The following BLTP1 variants were observed in gnomAD, a reference collection of about 807,000 sequenced individuals.
BLTP1 encodes bridge-like lipid transfer protein family member 1.
At chr4:122,262,963 G>C in the BLTP1 span, 11 of 1,613,664 alleles carry the variant, frequency 6.8e-6, no homozygotes, top group Non-Finnish European at 8.5e-6. Context: ...GCTGTGAAAA[G>C]TAGCTCCCTA....
chr4:122,227,207 C>T, the BLTP1 span: 4 of 996,836 alleles, frequency 4.0e-6, no homozygotes, highest in Non-Finnish European at 4.8e-6. Flanking sequence ...GGTTTGCAGA[C>T]CACTCTGGAC....
the BLTP1 span, chr4:122,256,151 T>C: frequency 3.0e-6 from 3 of 985,138 alleles, no homozygotes; most frequent in Non-Finnish European, 3.6e-6. Context: ...CAAGAATCTT[T>C]AGTCAAATTA....
At chr4:122,343,762 G>T in the BLTP1 span, 5 of 883,916 alleles carry the variant, frequency 5.7e-6, no homozygotes, top group Non-Finnish European at 8.4e-6. Flanking sequence ...TACGTAATAA[G>T]TAGACATATA....
the BLTP1 span, chr4:122,308,060 C>T: frequency 6.2e-7 from 1 of 1,613,484 alleles, no homozygotes. Context: ...GATATGCTAC[C>T]TGGTATCCAG....
At chr4:122,156,339 G>A in the BLTP1 span, among the ~76,000 whole-genome samples, 2 of 152,198 alleles carry the variant, frequency 1.3e-5, no homozygotes, top group African/African-American at 4.8e-5. Flanking sequence ...GAGAACAACA[G>A]CATTTAAGGG....
chr4:122,267,714 A>G, the BLTP1 span: 58 of 550,944 alleles, frequency 1.1e-4, no homozygotes, highest in African/African-American at 1.1e-3. Context: ...TTTTGCTGTT[A>G]TTTTATATTG....
At chr4:122,202,297 A>G in the BLTP1 span, among the ~76,000 whole-genome samples, 1 of 152,098 alleles carries the variant, frequency 6.6e-6, no homozygotes, top group Non-Finnish European at 1.5e-5. Context: ...CAAATTTATG[A>G]AAAAAATTAT....
chr4:122,186,981 G>A, the BLTP1 span: 35 of 983,210 alleles, frequency 3.6e-5, no homozygotes, highest in African/African-American at 6.1e-4. Flanking sequence ...ATTTGGGTGA[G>A]GGAAGGAAGA....
the BLTP1 span, among the ~76,000 whole-genome samples, chr4:122,153,317 C>T: frequency 6.6e-6 from 1 of 152,056 alleles, no homozygotes; most frequent in Non-Finnish European, 1.5e-5. Flanking sequence ...TGCTTTCACC[C>T]TGTGCATAGC....
At chr4:122,215,563 C>T in the BLTP1 span, 1 of 985,368 alleles carries the variant, frequency 1.0e-6, no homozygotes, top group Non-Finnish European at 1.2e-6. Flanking sequence ...TTCCACTTTA[C>T]ACTTGACCCT....
the BLTP1 span, among the ~76,000 whole-genome samples, chr4:122,241,606 C>T: frequency 2.6e-5 from 4 of 152,060 alleles, no homozygotes; most frequent in South Asian, 8.3e-4. Flanking sequence ...TGAATATTCT[C>T]ATAGATTATG....
chr4:122,334,429 C>A, the BLTP1 span: 2 of 1,612,972 alleles, frequency 1.2e-6, no homozygotes, highest in Non-Finnish European at 1.7e-6. Flanking sequence ...TCCAAAGAGT[C>A]CAAGCTGTAT....
chr4:122,359,606 A>G, the BLTP1 span: 3 of 1,612,486 alleles, frequency 1.9e-6, no homozygotes, highest in East Asian at 2.2e-5. Flanking sequence ...AAAAAAGTCC[A>G]ATTATTATAC....
the BLTP1 span, chr4:122,315,685 T>C: frequency 4.3e-6 from 7 of 1,613,912 alleles, no homozygotes; most frequent in Non-Finnish European, 5.9e-6. Context: ...CCACTATCCA[T>C]ACTGTAAGTA....
At chr4:122,155,435 T>G in the BLTP1 span, among the ~76,000 whole-genome samples, 1 of 151,924 alleles carries the variant, frequency 6.6e-6, no homozygotes, top group Admixed American at 6.6e-5. Context: ...GTAATTCTCA[T>G]GCCTCAAGCT....
At chr4:122,308,886 A>G in the BLTP1 span, among the ~76,000 whole-genome samples, 1 of 152,242 alleles carries the variant, frequency 6.6e-6, no homozygotes, top group East Asian at 1.9e-4. Context: ...CTTCAGGTTG[A>G]GGATGGGTGG....
chr4:122,285,232 C>T, the BLTP1 span, among the ~76,000 whole-genome samples: 4 of 151,964 alleles, frequency 2.6e-5, no homozygotes, highest in African/African-American at 9.7e-5. Context: ...ACCCAAAATT[C>T]TTATTGAAAT....
chr4:122,327,018 T>G, the BLTP1 span, among the ~76,000 whole-genome samples: 1 of 151,792 alleles, frequency 6.6e-6, no homozygotes, highest in East Asian at 1.9e-4. Context: ...ACCTTGCACA[T>G]TAAACTTTAT....
the BLTP1 span, chr4:122,154,313 C>G: frequency 2.0e-6 from 2 of 984,690 alleles, no homozygotes; most frequent in Non-Finnish European, 2.4e-6. Flanking sequence ...GTAGCTGGGT[C>G]TTCTGACTTT....
Sources: gnomAD v4.1 joint callset for allele counts (sites outside exome capture counted in the v4.1 genomes callset) on GRCh38, gnomAD v4.1.1 for gene constraint, MANE v1.5 for transcripts, NCBI Gene and HGNC (gene_info 2026-07-23, HGNC 2026-07-21) for gene names.